B3GALT1: variants seen among roughly 807,000 people sequenced by gnomAD.
The protein encoded by B3GALT1 is beta-1,3-galactosyltransferase 1, also known as UDP-Gal:betaGlcNAc beta 1,3-galactosyltransferase, polypeptide 1.
Under a neutral mutation model 23.2 loss-of-function variants are expected in B3GALT1, and 10 were observed. The ratio of observed to expected loss-of-function variants is 0.43; its 90% CI spans 0.27 to 0.73. The LOEUF is 0.73. Among genes scored for constraint, B3GALT1 ranks in the 30% least tolerant of loss-of-function variants. The pLI is 0.21. For synonymous variants in B3GALT1, 156 were observed against 141.5 expected, an observed-to-expected ratio of 1.10 and a Z score of -0.73; for missense variants, 299 against 405.4, an observed-to-expected ratio of 0.74 and a Z score of 2.25.
intron 2 of B3GALT1, among the ~76,000 whole-genome samples, chr2:167,614,280 T>C (rs1251539962): frequency 2.2e-5 from 3 of 137,392 alleles, no homozygotes; most frequent in African/African-American, 8.1e-5. Context: ...GCAAAGAAAA[T>C]GAAAAAAAAA....
chr2:167,670,773 G>A (rs1686310908), intron 3 of B3GALT1, among the ~76,000 whole-genome samples: 1 of 152,114 alleles, frequency 6.6e-6, no homozygotes, highest in South Asian at 2.1e-4. Context: ...AAATACAATA[G>A]AGAGCTTTAA....
chr2:167,486,509 A>C (rs1158222784), intron 1 of B3GALT1, among the ~76,000 whole-genome samples: 1 of 151,688 alleles, frequency 6.6e-6, no homozygotes, highest in African/African-American at 2.4e-5. Flanking sequence ...CACTAGGTCA[A>C]GAGATCGAGA....
chr2:167,806,118 G>A (rs1432992160), intron 3 of B3GALT1, among the ~76,000 whole-genome samples: 1 of 152,094 alleles, frequency 6.6e-6, no homozygotes, highest in East Asian at 1.9e-4. Context: ...CTCATTATTT[G>A]GCTCTCTGTT....
At chr2:167,764,577 C>T (rs1687945650) in intron 3 of B3GALT1, among the ~76,000 whole-genome samples, 1 of 152,134 alleles carries the variant, frequency 6.6e-6, no homozygotes, top group Non-Finnish European at 1.5e-5. Context: ...CACTTTTATA[C>T]ATATGTAAAA....
At chr2:167,542,764 G>T (rs559616248) in intron 2 of B3GALT1, among the ~76,000 whole-genome samples, 2 of 150,900 alleles carry the variant, frequency 1.3e-5, no homozygotes, top group East Asian at 1.9e-4. Flanking sequence ...AATCTTTTCA[G>T]TACTGTAATA....
chr2:167,522,212 C>T (rs559550807), intron 2 of B3GALT1, among the ~76,000 whole-genome samples: 2 of 151,662 alleles, frequency 1.3e-5, no homozygotes, highest in Admixed American at 1.3e-4. Context: ...AATAAAGTGT[C>T]GAGTCATTAC....
At chr2:167,531,583 A>G (rs1368280539) in intron 2 of B3GALT1, among the ~76,000 whole-genome samples, 1 of 152,148 alleles carries the variant, frequency 6.6e-6, no homozygotes, top group African/African-American at 2.4e-5. Context: ...TCATAAAAAT[A>G]ATATATATTG....
Position 167,869,600 on chromosome 2 carries a change from T to C in B3GALT1, c.561T>C (p.Leu187=). ...ACATTTTTGTAAACATGGACAATCT[T>C]ATTTATAAATTACTGAAACCCTCCA... ...DSDIFVNMDN[L]IYKLLKPSTK... is the part of the protein sequence containing the mutation. Residue 187 remains leucine, a synonymous_variant, in exon 5 of 5, where the codon CTT becomes CTC. Transcript: ENST00000392690. The surrounding 1 kb of genome is among the most constrained non-coding windows in gnomAD (Gnocchi z 6.4). 6.2e-7 allele frequency: 1 copy of C among 1,614,184 alleles called. No individual in the cohort carries two copies. The highest frequency in any genetic ancestry group is 8.5e-7 in the Non-Finnish European group (1 of 1,180,024).
chr2:167,723,251 G>A (rs956986699), intron 3 of B3GALT1, among the ~76,000 whole-genome samples: 3 of 152,158 alleles, frequency 2.0e-5, no homozygotes, highest in Non-Finnish European at 4.4e-5. Flanking sequence ...CTCTGTTTAT[G>A]GCTTACATTG....
intron 3 of B3GALT1, among the ~76,000 whole-genome samples, chr2:167,765,838 T>C (rs957005745): frequency 6.6e-6 from 1 of 152,230 alleles, no homozygotes; most frequent in Non-Finnish European, 1.5e-5. Flanking sequence ...ATAAACCTTA[T>C]AACACCATAA....
chr2:167,529,801 G>A lies in B3GALT1; in HGVS notation c.-410+39524G>A, dbSNP rs561738253. Among the ~76,000 whole-genome samples the A allele has an allele frequency of 1.4e-4, 22 of 151,862 alleles. No homozygotes were observed. In the South Asian group the frequency reaches 4.6e-3, roughly 32 times the overall value. On this transcript the variant is annotated intron_variant, in intron 2 of 4. Coordinates refer to ENST00000392690, the MANE Select transcript of B3GALT1 (RefSeq NM_020981.4). ...CTTTGTTGCTACCCCTCTGGTACAA[G>A]CCACACCATTTCTCACCTGAATTAT...
intron 1 of B3GALT1, among the ~76,000 whole-genome samples, chr2:167,375,809 ATT>A (rs1483039479): frequency 6.6e-6 from 1 of 151,786 alleles, no homozygotes; most frequent in East Asian, 1.9e-4. Context: ...TCTTCTTCCT[ATT>A]GCAATGCCTT....
chr2:167,603,505 G>A (rs1684909231), intron 2 of B3GALT1, among the ~76,000 whole-genome samples: 2 of 152,208 alleles, frequency 1.3e-5, no homozygotes, highest in African/African-American at 4.8e-5. Context: ...TGGAAGTTCT[G>A]TGTAAGCTGA....
chr2:167,448,365 G>A (rs191689305), intron 1 of B3GALT1, among the ~76,000 whole-genome samples: 1 of 151,856 alleles, frequency 6.6e-6, no homozygotes, highest in Admixed American at 6.6e-5. Flanking sequence ...GAATTTCCCT[G>A]TTCCATAGCT....
At chr2:167,707,922 A>G (rs895895480) in intron 3 of B3GALT1, among the ~76,000 whole-genome samples, 4 of 152,336 alleles carry the variant, frequency 2.6e-5, no homozygotes, top group Admixed American at 6.5e-5. Context: ...CACCACATCC[A>G]TTGAGACATA....
intron 3 of B3GALT1, among the ~76,000 whole-genome samples, chr2:167,777,356 T>C (rs1688178068): frequency 6.6e-6 from 1 of 152,242 alleles, no homozygotes; most frequent in Admixed American, 6.5e-5. Context: ...TGTTGTTGTT[T>C]TGTTTTTTGA....
At chr2:167,408,807 A>AAAAAC (rs146024400) in intron 1 of B3GALT1, among the ~76,000 whole-genome samples, 17,699 of 137,916 alleles carry the variant, frequency 0.13, 1,616 homozygotes, top group African/African-American at 0.24. Context: ...ACAAAAAAAA[A>AAAAAC]AAAAAACAAA....
Position 167,837,290 on chromosome 2 carries a change from G to A in B3GALT1, c.-230+18497G>A, listed in dbSNP as rs377698704. 9.7e-3 allele frequency among the ~76,000 whole-genome samples: 1,477 copies of A among 151,704 alleles called. 10 individuals are homozygous for A. The highest frequency in any genetic ancestry group is 0.015 in the Non-Finnish European group (1,013 of 67,922). On this transcript the variant is annotated intron_variant, in intron 4 of 4. Transcript: ENST00000392690. ...GCTGTATTCAGGAAACCCATCTCAC[G>A]TGCAGAGACACACATAGGCTCAAAA...
chr2:167,699,378 C>CTTTTTTTTTTTTT lies in B3GALT1; in HGVS notation c.-352+52413_-352+52414insTTTTTTTTTTTTT, dbSNP rs1285786645. On this transcript the variant is annotated intron_variant, in intron 3 of 4. Coordinates refer to ENST00000392690, the MANE Select transcript of B3GALT1 (RefSeq NM_020981.4). ...TTGGGGGAGTTTTTTGCCATTATTT[C>CTTTTTTTTTTTTT]TATTTTTTTTTTTTTTTTTTTTTTT... Among the ~76,000 whole-genome samples, 80 of 78,626 alleles carry CTTTTTTTTTTTTT rather than the reference C, an allele frequency of 1.0e-3. 2 individuals are homozygous for CTTTTTTTTTTTTT. Among genetic ancestry groups the CTTTTTTTTTTTTT allele is most frequent in the East Asian group, 2.9e-3 (7 of 2,378 alleles). 51.6% of individuals were successfully genotyped at this position (78,626 alleles called of 152,430 possible). A position where few individuals can be genotyped will look rare whatever the true frequency, so the allele number is the denominator to read the frequency against.
Sources: allele counts gnomAD v4.1 joint callset (sites outside exome capture counted in the v4.1 genomes callset), GRCh38; gene constraint gnomAD v4.1.1; non-coding constraint Gnocchi (gnomAD v3.1); transcripts MANE v1.5; gene names NCBI Gene and HGNC (gene_info 2026-07-23, HGNC 2026-07-21).